UNC80: variants seen among roughly 807,000 people sequenced by gnomAD.
UNC80 encodes the protein protein unc-80 homolog.
A neutral mutation model predicts 384.6 loss-of-function variants in UNC80; 164 were observed. The ratio of observed to expected loss-of-function variants is 0.43; its 90% confidence interval spans 0.38 to 0.49. The LOEUF is 0.49. UNC80 is among the 20% of genes least tolerant of loss of function. The pLI is 0.00. For synonymous variants in UNC80, 1,486 were observed against 1,527.8 expected (o/e 0.97, Z 0.64); for missense variants, 3,330 against 4,143.0 (o/e 0.80, Z 5.39).
intron 10 of UNC80, 68 bp from the exon 11 acceptor site, chr2:209,817,744 G>A (rs1279765394): frequency 2.0e-6 from 3 of 1,534,558 alleles, no homozygotes; most frequent in Non-Finnish European, 2.6e-6. Flanking sequence ...CCTTGGGAAA[G>A]ACAATATCTT....
At position 209,896,324 on chromosome 2, in the gene UNC80, T is replaced by C; in HGVS notation, c.4492T>C (p.Trp1498Arg). 6.4e-7 allele frequency: 1 copy of C among 1,551,676 alleles called. No individual in the cohort carries two copies. Among genetic ancestry groups the C allele is most frequent in the Non-Finnish European group, 8.7e-7 (1 of 1,146,956 alleles). ...TTTTTCTTTTGAAGAAGGGAGTCCT[T>C]GGAGTGCAAGCGAGCCCAGCATTGA... is the stretch of plus-strand genomic sequence containing the variant. Reference protein sequence around the residue: ...DTVTDLEGSPWSASEPSIEPE... With the variant: ...DTVTDLEGSPRSASEPSIEPE... The change falls in exon 28 of 65, where the codon TGG becomes CGG. Residue 1498 changes from tryptophan (W) to arginine (R), a missense_variant. Physicochemically the swap from Trp to Arg is moderately radical, Grantham distance 101. Transcript: ENST00000673920.
At chr2:209,813,211 G>A (rs1335022725) in intron 7 of UNC80, among the ~76,000 whole-genome samples, 1 of 152,086 alleles carries the variant, frequency 6.6e-6, no homozygotes, top group African/African-American at 2.4e-5. Context: ...TCTCATCATT[G>A]TCCATCACCC....
At chr2:209,883,773 T>A (rs1473949681) in intron 25 of UNC80, among the ~76,000 whole-genome samples, 3 of 152,220 alleles carry the variant, frequency 2.0e-5, no homozygotes, top group Non-Finnish European at 4.4e-5. Flanking sequence ...TTTACGTACT[T>A]ACTCATATAA....
chr2:209,964,911 T>G (rs1003536939), intron 51 of UNC80, among the ~76,000 whole-genome samples: 3 of 152,068 alleles, frequency 2.0e-5, no homozygotes, highest in Non-Finnish European at 4.4e-5. Flanking sequence ...AAAAAAGTAA[T>G]TATGAGATAA....
chr2:209,978,757 A>C, intron 59 of UNC80, 49 bp downstream of exon 59: 1 of 1,435,434 alleles, frequency 7.0e-7, no homozygotes, highest in Non-Finnish European at 9.3e-7. Flanking sequence ...TGGCCATACG[A>C]GCAGGGGCTT....
intron 47 of UNC80, among the ~76,000 whole-genome samples, chr2:209,950,635 A>G (rs528651761): frequency 2.7e-5 from 4 of 149,498 alleles, no homozygotes; most frequent in East Asian, 2.0e-4. Context: ...CTCGGCTCAC[A>G]GCGACCTCCA....
chr2:209,819,324 C>A, intron 12 of UNC80, 63 bp downstream of exon 12: 1 of 1,452,246 alleles, frequency 6.9e-7, no homozygotes, highest in Non-Finnish European at 9.2e-7. Context: ...TGCATTTTTG[C>A]AATGTTATAT....
intron 47 of UNC80, among the ~76,000 whole-genome samples, chr2:209,952,164 G>A (rs1253787773): frequency 6.6e-6 from 1 of 151,886 alleles, no homozygotes; most frequent in East Asian, 1.9e-4. Flanking sequence ...ATCACTTGTG[G>A]CTCTGTTTAT....
intron 7 of UNC80, among the ~76,000 whole-genome samples, chr2:209,796,735 AG>A: frequency 6.6e-6 from 1 of 152,204 alleles, no homozygotes; most frequent in Non-Finnish European, 1.5e-5. Context: ...CCATGTAAGA[AG>A]TGCCTTTCAC....
In UNC80 at chr2:209,917,947, C is replaced by A; in HGVS notation, c.5200C>A (p.Gln1734Lys). ...GCCCCGGATGGAGGAAGGGGCACAG[C>A]AGATTTTTAAGGTGAGGGATACTTC... ...VWPRMEEGAQ[Q>K]IFKIPPPSIN... Residue 1734 changes from glutamine (Q) to lysine (K), a missense_variant, in exon 32 of 65, where the codon CAG (glutamine) becomes AAG (lysine). Coordinates refer to ENST00000673920, the MANE Select transcript of UNC80 (RefSeq NM_001371986.1). 6.4e-7 allele frequency: 1 copy of A among 1,551,590 alleles called. No individual in the cohort carries two copies. Among genetic ancestry groups the A allele is most frequent in the Non-Finnish European group, 8.7e-7 (1 of 1,146,920 alleles).
At chr2:209,825,035 T>C (rs2080411182) in intron 13 of UNC80, among the ~76,000 whole-genome samples, 1 of 152,160 alleles carries the variant, frequency 6.6e-6, no homozygotes, top group South Asian at 2.1e-4. Flanking sequence ...TTAACTTATC[T>C]AACATCATAT....
In UNC80 at chr2:209,881,218, TCAAC is replaced by T. The variant is rs201800923; in HGVS notation, c.4110+128_4110+131del. ...TAGTGTATCACATAATTTTAAAAAT[TCAAC>T]CAAGGGATTTTGAAACATAAAAAGA... On this transcript the variant is annotated intron_variant, in intron 25 of 64. Coordinates refer to ENST00000673920, the MANE Select transcript of UNC80 (RefSeq NM_001371986.1). 1,714 of 1,103,214 alleles carry T rather than the reference TCAAC, an allele frequency of 1.6e-3. 20 individuals are homozygous for T. Among genetic ancestry groups the T allele is most frequent in the East Asian group, 0.013 (478 of 37,336 alleles). 68.3% of individuals were successfully genotyped at this position (1,103,214 alleles called of 1,614,324 possible).
At chr2:209,838,061 G>A (rs1415816385) in intron 18 of UNC80, among the ~76,000 whole-genome samples, 1 of 152,076 alleles carries the variant, frequency 6.6e-6, no homozygotes, top group African/African-American at 2.4e-5. Context: ...GTGAGCCACT[G>A]CGCCCGGCCT....
At chr2:209,897,664 A>G (rs973111099) in intron 28 of UNC80, among the ~76,000 whole-genome samples, 3 of 152,214 alleles carry the variant, frequency 2.0e-5, no homozygotes, top group African/African-American at 7.2e-5. Flanking sequence ...TCCAATGTTT[A>G]AAATGGTCGC....
intron 59 of UNC80, among the ~76,000 whole-genome samples, chr2:209,980,549 A>G (rs992895831): frequency 6.6e-6 from 1 of 152,198 alleles, no homozygotes; most frequent in African/African-American, 2.4e-5. Flanking sequence ...TGTTTGTGAT[A>G]TGGGTGTGTA....
At chr2:209,954,363 A>G (rs2092321616) in intron 48 of UNC80, 93 bp downstream of exon 48, 2 of 1,288,064 alleles carry the variant, frequency 1.6e-6, no homozygotes, top group Non-Finnish European at 2.0e-6. Flanking sequence ...ATAAAAATCT[A>G]AAACCCAATC....
intron 23 of UNC80, among the ~76,000 whole-genome samples, chr2:209,876,920 G>A (rs1184374475): frequency 6.6e-6 from 1 of 152,150 alleles, no homozygotes; most frequent in Non-Finnish European, 1.5e-5. Context: ...TAAAGAGTAT[G>A]AGCATAATCT....
chr2:209,878,006 C>T lies in UNC80; in HGVS notation c.3893C>T (p.Ala1298Val). Residue 1298 changes from alanine to valine, a missense_variant, in exon 24 of 65, where the codon GCC becomes GTC. This residue lies in a region of UNC80 where 801 missense variants were observed against 950.8 expected (regional missense o/e 0.84). Transcript: ENST00000673920. The part of the protein sequence containing the change: ...ELCHGESESP[A>V]NLLGLIYDEE... ...TGCCACGGGGAAAGTGAGAGCCCAGCCAACCTGCTGGGTCTCATTTACGAT... is the reference window on the plus strand; with the variant it reads ...TGCCACGGGGAAAGTGAGAGCCCAGTCAACCTGCTGGGTCTCATTTACGAT... 1 of 1,544,184 alleles carries T rather than the reference C, an allele frequency of 6.5e-7. No homozygotes were observed. The highest frequency in any genetic ancestry group is 8.7e-7 in the Non-Finnish European group (1 of 1,143,420).
intron 61 of UNC80, among the ~76,000 whole-genome samples, chr2:209,990,549 A>G (rs964238170): frequency 6.6e-6 from 1 of 152,198 alleles, no homozygotes; most frequent in African/African-American, 2.4e-5. Context: ...TTTGCTTAGT[A>G]TTAGGAGAAG....
Sources: gnomAD v4.1 joint callset for allele counts (sites outside exome capture counted in the v4.1 genomes callset) on GRCh38, gnomAD v4.1.1 for gene constraint, gnomAD v4.1.1 regional missense constraint, MANE v1.5 for transcripts, NCBI Gene and HGNC (gene_info 2026-07-23, HGNC 2026-07-21) for gene names.